RFX3: variants seen among roughly 807,000 people sequenced by gnomAD.
RFX3 encodes the protein regulatory factor X3.
In RFX3, 14 loss-of-function variants were observed where a neutral mutation model predicts 98.6. That is an observed-to-expected ratio of 0.14 (90% CI 0.09 to 0.22). The LOEUF is 0.22. Ranked by LOEUF, RFX3 falls within the 10% of genes least tolerant of loss-of-function variation. The pLI is 1.00. For synonymous variants in RFX3, 383 were observed against 328.4 expected (o/e 1.17, Z -1.80); for missense variants, 639 against 926.9 (o/e 0.69, Z 4.03).
chr9:3,247,942 G>A, intron 15 of RFX3, 90 bp downstream of exon 15: 3 of 1,613,186 alleles, frequency 1.9e-6, no homozygotes, highest in Non-Finnish European at 8.5e-7. Flanking sequence ...TAGGAACCAT[G>A]GTTTTAATCA....
rs1490176238 is a variant in RFX3, at chr9:3,504,879, T to TTATATATAATATAACATATATTATATA, written c.-9+20841_-9+20867dup. On this transcript the variant is annotated intron_variant, in intron 1 of 16. Coordinates refer to ENST00000617270, the MANE Select transcript of RFX3 (RefSeq NM_001282116.2). ...TATGATATAATATATATTATATATATTATATATAATATAACATATATTATA... is the reference window on the plus strand; with the variant it reads ...TATGATATAATATATATTATATATATTATATATAATATAACATATATTATATATATATATAATATAACATATATTATA... Among the ~76,000 whole-genome samples the TTATATATAATATAACATATATTATATA allele has an allele frequency of 6.4e-3, 338 of 53,158 alleles. 2 individuals carry two copies. Among genetic ancestry groups the TTATATATAATATAACATATATTATATA allele is most frequent in the Middle Eastern group, 0.026 (1 of 38 alleles). 34.9% of individuals were successfully genotyped at this position (53,158 alleles called of 152,430 possible).
chr9:3,287,990 A>C (rs1369069287), intron 7 of RFX3, 141 bp downstream of exon 7: 2 of 823,134 alleles, frequency 2.4e-6, no homozygotes, highest in Non-Finnish European at 3.7e-6. Flanking sequence ...ATTCTAAATC[A>C]TATTTAAGAA....
chr9:3,500,786 C>T (rs1007315326), intron 1 of RFX3, among the ~76,000 whole-genome samples: 1 of 152,142 alleles, frequency 6.6e-6, no homozygotes, highest in Non-Finnish European at 1.5e-5. Context: ...ATACTAGTCA[C>T]AAGGCACGTG....
At chr9:3,235,599 G>C (rs1260740842) in intron 15 of RFX3, among the ~76,000 whole-genome samples, 1 of 152,168 alleles carries the variant, frequency 6.6e-6, no homozygotes, top group Non-Finnish European at 1.5e-5. Flanking sequence ...TCTTTCTGAA[G>C]TGTCTAGAAA....
intron 3 of RFX3, among the ~76,000 whole-genome samples, chr9:3,342,067 T>G (rs141448244): frequency 0.021 from 3,251 of 152,304 alleles, 120 homozygotes; most frequent in African/African-American, 0.074. Context: ...GGAAAATAAT[T>G]AGATGACTTC....
chr9:3,459,635 A>G (rs7859887), intron 1 of RFX3, among the ~76,000 whole-genome samples: 3,732 of 152,228 alleles, frequency 0.025, 156 homozygotes, highest in African/African-American at 0.085. Context: ...ACATTTCCAT[A>G]GACATACTCA....
chr9:3,480,811 T>C (rs1449244706), intron 1 of RFX3, among the ~76,000 whole-genome samples: 1 of 148,110 alleles, frequency 6.8e-6, no homozygotes, highest in African/African-American at 2.6e-5. Context: ...CTGCCTGTCT[T>C]AGAGGAACGC....
At chr9:3,282,865 A>C (rs577938150) in intron 7 of RFX3, among the ~76,000 whole-genome samples, 1 of 151,946 alleles carries the variant, frequency 6.6e-6, no homozygotes, top group East Asian at 1.9e-4. Context: ...TGAATACAGC[A>C]AAATTAAGTG....
intron 7 of RFX3, among the ~76,000 whole-genome samples, chr9:3,287,311 T>C (rs971080614): frequency 6.6e-6 from 1 of 151,930 alleles, no homozygotes; most frequent in Non-Finnish European, 1.5e-5. Flanking sequence ...TCCTACCTAA[T>C]TCTGCATGCT....
chr9:3,470,131 A>T (rs1272193563), intron 1 of RFX3, among the ~76,000 whole-genome samples: 1 of 152,218 alleles, frequency 6.6e-6, no homozygotes, highest in Non-Finnish European at 1.5e-5. Flanking sequence ...GTATAGACAC[A>T]GACATAGCCT....
chr9:3,514,445 T>G (rs1247463114), intron 1 of RFX3, among the ~76,000 whole-genome samples: 2 of 150,786 alleles, frequency 1.3e-5, no homozygotes, highest in African/African-American at 5.0e-5. Context: ...AAGTTGTGTT[T>G]TGTTTTGTTT....
intron 5 of RFX3, among the ~76,000 whole-genome samples, chr9:3,301,097 T>G (rs1281249841): frequency 5.9e-5 from 9 of 151,866 alleles, no homozygotes; most frequent in Admixed American, 5.9e-4. Context: ...AACAAATCAT[T>G]TTCAAACAGT....
intron 7 of RFX3, among the ~76,000 whole-genome samples, chr9:3,286,041 A>T (rs1182663147): frequency 6.6e-6 from 1 of 151,872 alleles, no homozygotes; most frequent in Non-Finnish European, 1.5e-5. Flanking sequence ...AATTCCTTGC[A>T]GTCAAATAAT....
Position 3,225,196 on chromosome 9 carries a change from A to T in RFX3, c.2096T>A (p.Leu699Gln). The change falls in exon 17 of 17, where the codon CTG (leucine) becomes CAG (glutamine). Residue 699 changes from leucine (L) to glutamine (Q), a missense_variant. By Grantham distance (113) the Leu-to-Gln change is moderately radical. This residue lies in a region of RFX3 where 129 missense variants were observed against 124.6 expected (regional missense o/e 1.04). Transcript: ENST00000617270. ...GCAGCCCACTGGAAATGCCTGGCTC[A>T]GCTCTGTTTTCTCTCTTTTGGCTTG... ...EPQAKREKTE[L>Q]SQAFPVGCMQ... is the part of the protein sequence containing the mutation. 1.2e-6 allele frequency: 2 copies of T among 1,613,948 alleles called. No homozygotes were observed. The highest frequency in any genetic ancestry group is 1.7e-6 in the Non-Finnish European group (2 of 1,179,938).
At chr9:3,276,036 C>T (rs1187650073) in intron 8 of RFX3, among the ~76,000 whole-genome samples, 1 of 152,060 alleles carries the variant, frequency 6.6e-6, no homozygotes, top group Non-Finnish European at 1.5e-5. Context: ...ACCTAAAGAG[C>T]TACAAAGCAG....
chr9:3,327,701 T>A (rs548388978), intron 4 of RFX3, among the ~76,000 whole-genome samples: 1 of 152,268 alleles, frequency 6.6e-6, no homozygotes, highest in African/African-American at 2.4e-5. Flanking sequence ...AATTAATATG[T>A]ACAACTGATA....
chr9:3,269,932 C>T (rs1323836653), intron 11 of RFX3, among the ~76,000 whole-genome samples: 4 of 151,952 alleles, frequency 2.6e-5, no homozygotes, highest in African/African-American at 9.7e-5. Context: ...TAATTTTTGG[C>T]TTTATGAAGG....
intron 7 of RFX3, among the ~76,000 whole-genome samples, chr9:3,279,000 C>T (rs1479957177): frequency 1.6e-4 from 24 of 151,756 alleles, no homozygotes. Context: ...TCAACTGGGG[C>T]CATATCCAAA....
intron 11 of RFX3, among the ~76,000 whole-genome samples, chr9:3,267,375 G>A (rs1438947743): frequency 6.6e-6 from 1 of 151,896 alleles, no homozygotes; most frequent in Non-Finnish European, 1.5e-5. Flanking sequence ...TATTACGGAT[G>A]GGCTTAAATT....
Sources: gnomAD v4.1 joint callset for allele counts (sites outside exome capture counted in the v4.1 genomes callset) on GRCh38, gnomAD v4.1.1 for gene constraint, gnomAD v4.1.1 regional missense constraint, MANE v1.5 for transcripts, NCBI Gene and HGNC (gene_info 2026-07-23, HGNC 2026-07-21) for gene names.